Variants in BRF1 observed in about 807,000 individuals in gnomAD.
BRF1 encodes the protein BRF1 general transcription factor IIIB subunit.
In BRF1, 59 loss-of-function variants were observed where a neutral mutation model predicts 81.7. The ratio of observed to expected loss-of-function variants is 0.72; its 90% confidence interval spans 0.59 to 0.90. The LOEUF (loss-of-function observed/expected upper bound fraction) is 0.90. BRF1 is among the 40% of genes least tolerant of loss of function. BRF1 has a pLI of 0.00. For missense variants in BRF1, 1,050 were observed against 936.3 expected, an observed-to-expected ratio of 1.12 and a Z score of -1.58; for synonymous variants, 491 against 395.6, an observed-to-expected ratio of 1.24 and a Z score of -2.86.
At position 105,300,596 on chromosome 14, in the gene BRF1, T is replaced by C. The variant is rs587752262; in HGVS notation, c.34A>G (p.Thr12Ala). Residue 12 changes from threonine to alanine, a missense_variant, in exon 1 of 18, where the codon ACG becomes GCG. Transcript: ENST00000547530. ...CGCGCCGCGTCCAGCTCGATGTCCGTGCCGCCGCAACCGCGGCACACGCGG... is the reference window on the plus strand; with the variant it reads ...CGCGCCGCGTCCAGCTCGATGTCCGCGCCGCCGCAACCGCGGCACACGCGG... ...TGRVCRGCGG[T>A]DIELDAARGD... 2.1e-6 allele frequency: 3 copies of C among 1,454,036 alleles called. No individual in the cohort carries two copies. Among genetic ancestry groups the C allele is most frequent in the African/African-American group, 1.5e-5 (1 of 67,830 alleles). The allele number at this position is 1,454,036 out of a possible 1,614,324, so 90.1% of individuals were successfully genotyped here.
intron 5 of BRF1, chr14:105,247,023 C>G (rs1472062777): frequency 7.1e-6 from 7 of 985,348 alleles, no homozygotes; most frequent in Non-Finnish European, 7.2e-6. Context: ...TAGGCTGTCT[C>G]CACTCTGGCC....
At chr14:105,305,548 G>A (rs1240452591), upstream of BRF1, among the ~76,000 whole-genome samples, 1 of 152,192 alleles carries the variant, frequency 6.6e-6, no homozygotes, top group Non-Finnish European at 1.5e-5. Context: ...GCACCGTCCT[G>A]TGAAATGAAT....
chr14:105,218,021 G>A (rs1187591770), intron 14 of BRF1, among the ~76,000 whole-genome samples: 1 of 152,136 alleles, frequency 6.6e-6, no homozygotes, highest in African/African-American at 2.4e-5. Context: ...CACGTGGCCT[G>A]GCATGGGTGC....
chr14:105,214,204 GC>G (rs370472942), intron 15 of BRF1, among the ~76,000 whole-genome samples: 10 of 152,254 alleles, frequency 6.6e-5, no homozygotes, highest in Non-Finnish European at 1.2e-4. Flanking sequence ...CATCTGGTGG[GC>G]CCCCACTTTG....
At chr14:105,299,809 C>T (rs928229466) in intron 1 of BRF1, among the ~76,000 whole-genome samples, 1 of 152,238 alleles carries the variant, frequency 6.6e-6, no homozygotes, top group Non-Finnish European at 1.5e-5. Flanking sequence ...AGCCACATCA[C>T]AAAACAGTTC....
At chr14:105,261,397 G>A (rs773464843) in intron 3 of BRF1, among the ~76,000 whole-genome samples, 8 of 152,138 alleles carry the variant, frequency 5.3e-5, no homozygotes, top group Non-Finnish European at 8.8e-5. Context: ...AAACTGTCCC[G>A]GCTCCAGGAA....
rs992179381 is a variant in BRF1 at position 105,249,524 on chromosome 14, G to A, written c.544+2983C>T. 3.7e-6 allele frequency: 6 copies of A among 1,604,210 alleles called. No homozygotes were observed. The East Asian group carries it at 6.7e-5, about 18-fold the overall frequency. On this transcript the variant is annotated intron_variant, in intron 5 of 17. Transcript: ENST00000547530. ...AGGGACGGGTGGGTCCGTTTTAGGC[G>A]GCCTCCGGAGGCTTCTGAAGGGAAG...
intron 3 of BRF1, among the ~76,000 whole-genome samples, chr14:105,260,844 C>T (rs772231975): frequency 1.3e-5 from 2 of 152,238 alleles, no homozygotes. Flanking sequence ...AGTTTCCAGA[C>T]GATGGAAGCT....
At chr14:105,261,831 G>A (rs894034995) in intron 3 of BRF1, among the ~76,000 whole-genome samples, 2 of 152,194 alleles carry the variant, frequency 1.3e-5, no homozygotes, top group African/African-American at 4.8e-5. Context: ...GCGCCCACAC[G>A]GCGTGAGGAC....
At chr14:105,294,054 C>T (rs1003625009) in intron 1 of BRF1, among the ~76,000 whole-genome samples, 8 of 152,138 alleles carry the variant, frequency 5.3e-5, no homozygotes, top group African/African-American at 1.9e-4. Flanking sequence ...TTCCAGCCCC[C>T]TGTGATCACC....
intron 12 of BRF1, 60 bp from the exon 13 acceptor site, chr14:105,219,292 G>A: frequency 3.8e-6 from 6 of 1,597,120 alleles, no homozygotes; most frequent in Non-Finnish European, 5.1e-6. Context: ...GGCATGCTAA[G>A]GTCGCGCTGG....
At chr14:105,219,370 TG>T in intron 12 of BRF1, 138 bp from the exon 13 acceptor site, 2 of 1,489,004 alleles carry the variant, frequency 1.3e-6, no homozygotes, top group East Asian at 4.8e-5. Flanking sequence ...GTGCGGAGCC[TG>T]GGCTGAGGCC....
Position 105,284,835 on chromosome 14 carries a change from G to C in BRF1, c.265+1461C>G, listed in dbSNP as rs1198587177. Among the ~76,000 whole-genome samples the C allele has an allele frequency of 1.3e-5, 2 of 152,108 alleles. No individual in the cohort carries two copies. The highest frequency in any genetic ancestry group is 2.9e-5 in the Non-Finnish European group (2 of 68,016). On this transcript the variant is annotated intron_variant, in intron 2 of 17. Coordinates refer to ENST00000547530, the MANE Select transcript of BRF1 (RefSeq NM_001519.4). The surrounding 1 kb of genome is among the most constrained non-coding windows in gnomAD (Gnocchi z 4.0). ...AACAGGCACTAGACTAGAAAGGAAA[G>C]ATAACACGATCTTGTACCGAAAATC... is the stretch of plus-strand genomic sequence containing the variant.
At chr14:105,300,045 T>TA (rs1566877834) in intron 1 of BRF1, among the ~76,000 whole-genome samples, 1 of 152,182 alleles carries the variant, frequency 6.6e-6, no homozygotes, top group Non-Finnish European at 1.5e-5. Flanking sequence ...TGAGTGGCCC[T>TA]AGGGCATCCG....
chr14:105,219,536 A>AG (rs1236095543), intron 12 of BRF1: 2 of 528,036 alleles, frequency 3.8e-6, no homozygotes, highest in Non-Finnish European at 6.6e-6. Context: ...GTTCCCACAA[A>AG]GGGGCCAAGT....
At chr14:105,243,465 AAATAAAAAT>A (rs367697069) in intron 5 of BRF1, among the ~76,000 whole-genome samples, 34,143 of 148,716 alleles carry the variant, frequency 0.23, 4,221 homozygotes, top group South Asian at 0.28. Flanking sequence ...AAAAAAAAAA[AAATAAAAAT>A]AAAAAATTAG....
At chr14:105,215,483 C>T (rs1441484632) in intron 15 of BRF1, among the ~76,000 whole-genome samples, 5 of 152,066 alleles carry the variant, frequency 3.3e-5, no homozygotes, top group Non-Finnish European at 5.9e-5. Context: ...TGCACACACA[C>T]ACGTACTGAG....
chr14:105,248,563 ACGGGCT>A (rs1376336058), intron 5 of BRF1: 27 of 263,628 alleles, frequency 1.0e-4, no homozygotes, highest in South Asian at 1.9e-4. Context: ...CGCGGCGGGT[ACGGGCT>A]CGGGCGGGCG....
At position 105,211,551 on chromosome 14, in the gene BRF1, C is replaced by A. The variant is rs587648554; in HGVS notation, c.1825-258G>T. 3 of 520,570 alleles carry A rather than the reference C, an allele frequency of 5.8e-6. No homozygotes were observed. The Admixed American group carries it at 1.1e-4, about 20-fold the overall frequency. 32.2% of individuals were successfully genotyped at this position (520,570 alleles called of 1,614,324 possible). ...TCCTGTATCCTACTGGGCCCCACCC[C>A]AGTGCTCGGGGAGCATGCAGAACAC... On this transcript the variant is annotated intron_variant, in intron 16 of 17. Transcript: ENST00000547530.
Sources: allele counts gnomAD v4.1 joint callset (sites outside exome capture counted in the v4.1 genomes callset), GRCh38; gene constraint gnomAD v4.1.1; non-coding constraint Gnocchi (gnomAD v3.1); transcripts MANE v1.5; gene names NCBI Gene and HGNC (gene_info 2026-07-23, HGNC 2026-07-21).